The following FRMD4A variants were observed in gnomAD, a reference collection of about 807,000 sequenced individuals.
FRMD4A encodes FERM domain containing 4A, also known as FERM domain-containing protein 4A.
Under a neutral mutation model 129.1 loss-of-function variants are expected in FRMD4A, and 29 were observed. The observed-to-expected ratio is 0.22, with a 90% CI of 0.17 to 0.31. FRMD4A has a LOEUF of 0.31. Among genes scored for constraint, FRMD4A ranks in the 10% least tolerant of loss-of-function variants. The pLI is 1.00. For missense variants in FRMD4A, 1,272 were observed against 1,375.8 expected, an observed-to-expected ratio of 0.92 and a Z score of 1.19; for synonymous variants, 634 against 571.6, an observed-to-expected ratio of 1.11 and a Z score of -1.56.
chr10:14,258,142 C>T (rs1844679928), intron 2 of FRMD4A, among the ~76,000 whole-genome samples: 1 of 151,550 alleles, frequency 6.6e-6, no homozygotes, highest in Non-Finnish European at 1.5e-5. Context: ...AAATAGGACA[C>T]AAGAGCACAG....
chr10:14,104,196 A>G (rs1160013526), intron 2 of FRMD4A, among the ~76,000 whole-genome samples: 2 of 151,518 alleles, frequency 1.3e-5, no homozygotes, highest in Non-Finnish European at 2.9e-5. Flanking sequence ...CATCGACATT[A>G]CAGTGCCATG....
intron 2 of FRMD4A, among the ~76,000 whole-genome samples, chr10:13,887,540 G>A (rs1023675779): frequency 2.0e-5 from 3 of 152,154 alleles, no homozygotes; most frequent in Non-Finnish European, 2.9e-5. Flanking sequence ...TTAGCTGGGC[G>A]TAGTGGCACG....
intron 2 of FRMD4A, among the ~76,000 whole-genome samples, chr10:13,964,187 C>T (rs147000171): frequency 1.1e-4 from 16 of 150,796 alleles, no homozygotes; most frequent in South Asian, 1.1e-3. Flanking sequence ...TGATGACGGA[C>T]GCGGTTTCTA....
rs531595943 is a variant in FRMD4A at position 13,717,406 on chromosome 10, C to T, written c.760-10293G>A. On this transcript the variant is annotated intron_variant, in intron 12 of 24. Coordinates refer to ENST00000357447, the MANE Select transcript of FRMD4A (RefSeq NM_018027.5). ...TCGGTTCAGAGCAACCTCTACTTCCCGGGTTCAAGCGATTCTCCTGCCTCA... is the reference window on the plus strand; with the variant it reads ...TCGGTTCAGAGCAACCTCTACTTCCTGGGTTCAAGCGATTCTCCTGCCTCA... Among the ~76,000 whole-genome samples the T allele has an allele frequency of 2.6e-5, 4 of 152,162 alleles. No individual in the cohort carries two copies. The East Asian group carries it at 5.8e-4, about 22-fold the overall frequency.
chr10:13,771,929 CAAACA>C (rs1554889290), intron 6 of FRMD4A, among the ~76,000 whole-genome samples: 1 of 151,250 alleles, frequency 6.6e-6, no homozygotes, highest in South Asian at 2.1e-4. Context: ...GAAACAAAAC[CAAACA>C]AAACAAAACA....
chr10:13,901,504 G>C (rs1265596631), intron 2 of FRMD4A, among the ~76,000 whole-genome samples: 1 of 151,710 alleles, frequency 6.6e-6, no homozygotes, highest in East Asian at 1.9e-4. Flanking sequence ...CAGCTACTCA[G>C]GAGGCTGAGG....
chr10:14,102,994 AAT>A (rs1564293323), intron 2 of FRMD4A, among the ~76,000 whole-genome samples: 1 of 152,170 alleles, frequency 6.6e-6, no homozygotes, highest in Non-Finnish European at 1.5e-5. Context: ...ATTTTCCTGG[AAT>A]TGAAAACCCA....
At position 13,658,156 on chromosome 10, in the gene FRMD4A, A is replaced by C. The variant is rs200172299; in HGVS notation, c.2067-634T>G. Among the ~76,000 whole-genome samples the C allele has an allele frequency of 2.7e-5, 4 of 148,876 alleles. No individual in the cohort carries two copies. In the East Asian group the frequency reaches 7.9e-4, roughly 29 times the overall value. On this transcript the variant is annotated intron_variant, in intron 21 of 24. Transcript: ENST00000357447. The stretch of plus-strand genomic sequence containing the variant: ...TTAAAAAAAAAAAAAAAAAAAAAAA[A>C]AGAAAACACAAACCAGATGAAATGT...
At chr10:14,268,042 A>C (rs1845038271) in intron 2 of FRMD4A, among the ~76,000 whole-genome samples, 1 of 152,218 alleles carries the variant, frequency 6.6e-6, no homozygotes, top group Non-Finnish European at 1.5e-5. Flanking sequence ...ATTGTGTTGC[A>C]GGCATCAAAT....
At chr10:13,703,987 A>C (rs1179513719) in intron 13 of FRMD4A, among the ~76,000 whole-genome samples, 3 of 152,100 alleles carry the variant, frequency 2.0e-5, no homozygotes, top group Non-Finnish European at 2.9e-5. Context: ...CCTGGGGACA[A>C]AGTGAGACTC....
intron 8 of FRMD4A, among the ~76,000 whole-genome samples, chr10:13,752,903 C>T (rs893536802): frequency 6.6e-6 from 1 of 152,190 alleles, no homozygotes. Context: ...CTGCGCATAT[C>T]CATGTTTTGG....
chr10:14,143,321 G>A (rs890957365), intron 2 of FRMD4A, among the ~76,000 whole-genome samples: 4 of 152,224 alleles, frequency 2.6e-5, no homozygotes, highest in Non-Finnish European at 5.9e-5. Context: ...GAAATCCTGA[G>A]ACAGGCTACA....
intron 2 of FRMD4A, among the ~76,000 whole-genome samples, chr10:14,270,980 G>A (rs1302381577): frequency 6.6e-6 from 1 of 152,208 alleles, no homozygotes; most frequent in Non-Finnish European, 1.5e-5. Flanking sequence ...TACAGGAAGT[G>A]TAACAGCGGC....
intron 2 of FRMD4A, among the ~76,000 whole-genome samples, chr10:13,978,543 G>A (rs372003765): frequency 3.2e-4 from 48 of 152,138 alleles, no homozygotes; most frequent in East Asian, 1.7e-3. Context: ...GCACTGGTAC[G>A]GCTAACTGAG....
At chr10:13,714,019 A>AT (rs1564672587) in intron 12 of FRMD4A, among the ~76,000 whole-genome samples, 115 of 1,130 alleles carry the variant, frequency 0.1, 42 homozygotes, top group Admixed American at 0.15. Context: ...ATACATATAT[A>AT]AAATATACAT....
At chr10:14,058,779 T>C (rs1224992531) in intron 2 of FRMD4A, among the ~76,000 whole-genome samples, 1 of 152,142 alleles carries the variant, frequency 6.6e-6, no homozygotes, top group Non-Finnish European at 1.5e-5. Flanking sequence ...CTACAGGGTC[T>C]CCAAAGAGCT....
Position 14,073,517 on chromosome 10 carries a change from T to C in FRMD4A, c.46-214605A>G, listed in dbSNP as rs536917245. On this transcript the variant is annotated intron_variant, in intron 2 of 24. Coordinates refer to ENST00000357447, the MANE Select transcript of FRMD4A (RefSeq NM_018027.5). The stretch of plus-strand genomic sequence containing the variant: ...GACACCAAGGACCCTGGATATACCC[T>C]CCCAAAGCAAAATAACACTGGGGGC... Among the ~76,000 whole-genome samples, 202 of 152,280 alleles carry C rather than the reference T, an allele frequency of 1.3e-3. 1 individual carries two copies. In the Middle Eastern group the frequency reaches 0.02, roughly 15 times the overall value.
intron 2 of FRMD4A, among the ~76,000 whole-genome samples, chr10:13,883,515 C>A (rs564483959): frequency 3.3e-5 from 5 of 152,166 alleles, no homozygotes; most frequent in East Asian, 1.9e-4. Context: ...ACAAAAAAAA[C>A]CAAGAAACAA....
At chr10:13,670,675 C>T (rs2083441581) in intron 16 of FRMD4A, 147 bp from the exon 17 acceptor site, 2 of 667,880 alleles carry the variant, frequency 3.0e-6, no homozygotes, top group Non-Finnish European at 5.0e-6. Flanking sequence ...GAAATGTTCA[C>T]ATTAAGCACT....
Sources: allele counts gnomAD v4.1 joint callset (sites outside exome capture counted in the v4.1 genomes callset), GRCh38; gene constraint gnomAD v4.1.1; transcripts MANE v1.5; gene names NCBI Gene and HGNC (gene_info 2026-07-23, HGNC 2026-07-21).